The following GAPVD1 variants were observed in gnomAD, a reference collection of about 807,000 sequenced individuals.
GAPVD1 encodes the protein GTPase activating protein and VPS9 domains 1, also known as GTPase-activating protein and VPS9 domain-containing protein 1.
Under a neutral mutation model 155.5 loss-of-function variants are expected in GAPVD1, and 35 were observed. The observed-to-expected ratio is 0.23, with a 90% CI of 0.17 to 0.30. GAPVD1 has a LOEUF of 0.30. Among genes scored for constraint, GAPVD1 ranks in the 10% least tolerant of loss-of-function variants. GAPVD1 has a pLI of 1.00. For synonymous variants in GAPVD1, 636 were observed against 619.7 expected (o/e 1.03, Z -0.39); for missense variants, 1,429 against 1,775.7 (o/e 0.80, Z 3.51).
intron 19 of GAPVD1, among the ~76,000 whole-genome samples, chr9:125,344,258 A>G (rs1304556351): frequency 6.6e-6 from 1 of 152,038 alleles, no homozygotes; most frequent in Non-Finnish European, 1.5e-5. Flanking sequence ...ATCTTTTTCC[A>G]TATTTGTACG....
chr9:125,332,507 A>C lies in GAPVD1; in HGVS notation c.2309-3A>C. On this transcript the variant is annotated splice_polypyrimidine_tract_variant and splice_region_variant and intron_variant, in intron 14 of 27. Transcript: ENST00000297933. ...GTTTATTTTTTACTATTGTTTTTTAAAGGCATAAGTGCAACCTCTGAGGAT... is the reference window on the plus strand; with the variant it reads ...GTTTATTTTTTACTATTGTTTTTTACAGGCATAAGTGCAACCTCTGAGGAT... The C allele has an allele frequency of 6.4e-7, 1 of 1,569,466 alleles. No individual in the cohort carries two copies. Among genetic ancestry groups the C allele is most frequent in the Non-Finnish European group, 8.6e-7 (1 of 1,157,760 alleles).
chr9:125,265,124 A>ATC (rs1833643230), intron 1 of GAPVD1, among the ~76,000 whole-genome samples: 1 of 152,204 alleles, frequency 6.6e-6, no homozygotes, highest in African/African-American at 2.4e-5. Context: ...ACATGCTGCC[A>ATC]TATAGGTTTG....
chr9:125,292,970 A>C (rs1057099968), intron 2 of GAPVD1, among the ~76,000 whole-genome samples: 1 of 152,230 alleles, frequency 6.6e-6, no homozygotes, highest in African/African-American at 2.4e-5. Flanking sequence ...TGCTTTGGAA[A>C]TACCAATCTG....
At chr9:125,310,860 A>G (rs1436676182) in intron 8 of GAPVD1, among the ~76,000 whole-genome samples, 2 of 117,814 alleles carry the variant, frequency 1.7e-5, no homozygotes, top group Non-Finnish European at 3.5e-5. Flanking sequence ...TTTTTTTTAG[A>G]CGGAGTTTCG....
intron 17 of GAPVD1, among the ~76,000 whole-genome samples, chr9:125,340,741 G>A (rs1847735382): frequency 1.3e-5 from 2 of 152,032 alleles, no homozygotes; most frequent in Non-Finnish European, 2.9e-5. Context: ...TAATGAGATA[G>A]TGCCTGCCCT....
Position 125,350,361 on chromosome 9 carries a change from C to G in GAPVD1, c.3366C>G (p.Thr1122=). Residue 1122 remains threonine (T), a synonymous_variant, in exon 22 of 28, where the codon ACC becomes ACG. Coordinates refer to ENST00000297933, the MANE Select transcript of GAPVD1 (RefSeq NM_001282680.3). ...ACTCTGTTGCCTTCCCAGTGCTGAC[C>G]CATTCAACAAGGAATGGTTTACCAG... ...SADSVAFPVL[T]HSTRNGLPDH... The G allele has an allele frequency of 6.2e-7, 1 of 1,608,446 alleles. No homozygotes were observed. The highest frequency in any genetic ancestry group is 8.5e-7 in the Non-Finnish European group (1 of 1,178,360).
intron 3 of GAPVD1, 126 bp downstream of exon 3, chr9:125,295,700 GGGA>G (rs1388622292): frequency 6.6e-6 from 1 of 152,070 alleles, no homozygotes; most frequent in African/African-American, 2.4e-5. Flanking sequence ...CCAAAGTGCT[GGGA>G]TTACAGGTAT....
chr9:125,306,332 A>G (rs1361020101), intron 6 of GAPVD1, among the ~76,000 whole-genome samples: 1 of 151,764 alleles, frequency 6.6e-6, no homozygotes, highest in African/African-American at 2.4e-5. Context: ...CTGGCCCCCA[A>G]AAGATTCTTG....
At chr9:125,278,844 A>C (rs577532924) in intron 2 of GAPVD1, among the ~76,000 whole-genome samples, 13 of 152,100 alleles carry the variant, frequency 8.5e-5, no homozygotes, top group South Asian at 2.1e-4. Context: ...GGAAAAAAAA[A>C]AACAACAAAA....
chr9:125,281,555 A>G (rs951581257), intron 2 of GAPVD1, among the ~76,000 whole-genome samples: 2 of 152,194 alleles, frequency 1.3e-5, no homozygotes, highest in Non-Finnish European at 1.5e-5. Context: ...TTATATTAGC[A>G]TAGTACATTT....
chr9:125,262,583 A>G (rs765472120), intron 1 of GAPVD1, among the ~76,000 whole-genome samples: 8 of 152,210 alleles, frequency 5.3e-5, no homozygotes, highest in Non-Finnish European at 1.0e-4. Context: ...GGTTCTGTGT[A>G]TAAATGTGCA....
At chr9:125,328,205 T>TA (rs76901826) in intron 12 of GAPVD1, among the ~76,000 whole-genome samples, 249 of 142,486 alleles carry the variant, frequency 1.7e-3, no homozygotes, top group Non-Finnish European at 3.1e-3. Context: ...TTTTTTTTTT[T>TA]AAATTTATTT....
At chr9:125,326,007 TGCCTATTAGTCA>T (rs974183255) in intron 11 of GAPVD1, among the ~76,000 whole-genome samples, 1 of 152,242 alleles carries the variant, frequency 6.6e-6, no homozygotes, top group Non-Finnish European at 1.5e-5. Context: ...ATACACTACC[TGCCTATTAGTCA>T]CTGCTTATCA....
intron 2 of GAPVD1, among the ~76,000 whole-genome samples, chr9:125,294,667 T>C (rs2132675274): frequency 6.6e-6 from 1 of 151,758 alleles, no homozygotes; most frequent in East Asian, 1.9e-4. Context: ...TTTTTTTTTT[T>C]TTCAAACTTT....
At chr9:125,339,885 C>A (rs1182246372) in intron 17 of GAPVD1, among the ~76,000 whole-genome samples, 1 of 152,114 alleles carries the variant, frequency 6.6e-6, no homozygotes, top group Non-Finnish European at 1.5e-5. Context: ...GGCACAGATG[C>A]CCTCATCTCT....
Position 125,289,925 on chromosome 9 carries a change from G to A in GAPVD1, c.-149-5533G>A, listed in dbSNP as rs571840711. The stretch of plus-strand genomic sequence containing the variant: ...GGGAGATAAGGGAACTAACAAAGGA[G>A]ATAGACTGAGTGGAGAAGGACAGGA... On this transcript the variant is annotated intron_variant, in intron 2 of 27. Transcript: ENST00000297933. Among the ~76,000 whole-genome samples, 4 of 152,292 alleles carry A rather than the reference G, an allele frequency of 2.6e-5. No homozygotes were observed. The South Asian group carries it at 8.3e-4, about 32-fold the overall frequency.
chr9:125,293,989 T>G (rs1480547966), intron 2 of GAPVD1, among the ~76,000 whole-genome samples: 1 of 148,290 alleles, frequency 6.7e-6, no homozygotes, highest in African/African-American at 2.5e-5. Context: ...CTCAGCTCAC[T>G]GCAACCTCCG....
At chr9:125,270,394 A>T (rs1834701323) in intron 2 of GAPVD1, among the ~76,000 whole-genome samples, 1 of 151,910 alleles carries the variant, frequency 6.6e-6, no homozygotes, top group Admixed American at 6.6e-5. Flanking sequence ...GTGCCCCTGC[A>T]CTCCAGCCTG....
At chr9:125,329,556 C>A (rs1845771794) in intron 12 of GAPVD1, among the ~76,000 whole-genome samples, 1 of 151,402 alleles carries the variant, frequency 6.6e-6, no homozygotes, top group African/African-American at 2.4e-5. Flanking sequence ...AAAGTAGGAA[C>A]TTGTGTTTTT....
Sources: allele counts gnomAD v4.1 joint callset (sites outside exome capture counted in the v4.1 genomes callset), GRCh38; gene constraint gnomAD v4.1.1; transcripts MANE v1.5; gene names NCBI Gene and HGNC (gene_info 2026-07-23, HGNC 2026-07-21).